MAP3K9: variants seen among roughly 807,000 people sequenced by gnomAD.
MAP3K9 encodes mitogen-activated protein kinase kinase kinase 9, also known as mixed lineage kinase 1 (tyr and ser/thr specificity).
A neutral mutation model predicts 95.8 loss-of-function variants in MAP3K9; 46 were observed. That is an observed-to-expected ratio of 0.48 (90% CI 0.38 to 0.61). The LOEUF is 0.61. MAP3K9 is among the 20% of genes least tolerant of loss of function. The pLI, the probability that MAP3K9 is intolerant of heterozygous loss-of-function variation, is 0.00. For missense variants in MAP3K9, 1,296 were observed against 1,474.3 expected (o/e 0.88, Z 1.98); for synonymous variants, 533 against 593.8 (o/e 0.90, Z 1.49).
intron 5 of MAP3K9, 37 bp downstream of exon 5, chr14:70,748,792 T>C (rs1267345593): frequency 6.4e-7 from 1 of 1,560,974 alleles, no homozygotes; most frequent in Non-Finnish European, 8.7e-7. Context: ...TTTTTTCTTT[T>C]CGTTCGTTTT....
intron 3 of MAP3K9, 82 bp from the exon 4 acceptor site, chr14:70,750,163 T>G: frequency 8.6e-7 from 1 of 1,156,568 alleles, no homozygotes; most frequent in Non-Finnish European, 1.3e-6. Flanking sequence ...TTTCTGAGCA[T>G]CCCACATTCT....
At chr14:70,740,496 T>G (rs568194319) in intron 6 of MAP3K9, among the ~76,000 whole-genome samples, 19 of 152,318 alleles carry the variant, frequency 1.2e-4, no homozygotes, top group Admixed American at 2.6e-4. Flanking sequence ...TCTAGGAAAT[T>G]TAACTTAAAA....
Position 70,809,303 on chromosome 14 carries a change from G to C in MAP3K9, c.-132C>G. The C allele has an allele frequency of 8.7e-7, 1 of 1,150,476 alleles. No homozygotes were observed. Among genetic ancestry groups the C allele is most frequent in the African/African-American group, 1.6e-5 (1 of 62,514 alleles). The allele number at this position is 1,150,476 out of a possible 1,614,324, so 71.3% of individuals were successfully genotyped here. On this transcript the variant is annotated 5_prime_UTR_variant, in exon 1 of 12. Coordinates refer to ENST00000554752, the MANE Select transcript of MAP3K9 (RefSeq NM_001284230.2). ...GCGGCCGCAGGTAGGGCCCGGGCTG[G>C]CAGGGCTGGGAGAGCCGGCTCGCCG...
At chr14:70,788,518 TTAGC>T (rs1346393215) in intron 2 of MAP3K9, among the ~76,000 whole-genome samples, 1 of 152,204 alleles carries the variant, frequency 6.6e-6, no homozygotes, top group Non-Finnish European at 1.5e-5. Flanking sequence ...CTCAAGGTCC[TTAGC>T]TAGCAAGTAA....
chr14:70,750,946 G>A (rs2054217750), intron 3 of MAP3K9, among the ~76,000 whole-genome samples: 1 of 152,188 alleles, frequency 6.6e-6, no homozygotes, highest in South Asian at 2.1e-4. Flanking sequence ...ACAAAAAGCA[G>A]AGTGCTAACC....
chr14:70,759,671 G>C (rs1453993084), intron 3 of MAP3K9, among the ~76,000 whole-genome samples: 3 of 152,194 alleles, frequency 2.0e-5, no homozygotes, highest in African/African-American at 7.2e-5. Flanking sequence ...ACTAGGTTTA[G>C]TAATTTGCTA....
In MAP3K9 at chr14:70,808,979, C is replaced by G; in HGVS notation, c.193G>C (p.Ala65Pro). The G allele has an allele frequency of 6.4e-7, 1 of 1,566,520 alleles. No homozygotes were observed. The highest frequency in any genetic ancestry group is 8.6e-7 in the Non-Finnish European group (1 of 1,163,288). ...AGGGTCAGCTCGTCCTCGCCCGCCG[C>G]CTCGTACTCGAACACGGCCGTCCAG... ...PYWTAVFEYE[A>P]AGEDELTLRL... is the part of the protein sequence containing the mutation. Residue 65 changes from alanine (A) to proline (P), a missense_variant, in exon 1 of 12, where the codon GCG becomes CCG. Around this residue, in one of 5 missense-constraint regions of MAP3K9, gnomAD observed 338 missense variants for 363.4 expected, o/e 0.93. Transcript: ENST00000554752.
chr14:70,802,549 T>C (rs2054942025), intron 1 of MAP3K9, among the ~76,000 whole-genome samples: 1 of 152,214 alleles, frequency 6.6e-6, no homozygotes, highest in Non-Finnish European at 1.5e-5. Flanking sequence ...GAAACCCTGT[T>C]CTCTATCTTC....
Position 70,728,002 on chromosome 14 carries a change from T to C in MAP3K9, c.*2378A>G, listed in dbSNP as rs1247171920. 1 of 151,882 alleles carries C rather than the reference T, an allele frequency of 6.6e-6. No homozygotes were observed. 9.4% of individuals were successfully genotyped at this position (151,882 alleles called of 1,614,324 possible). ...CACAGAGCACTGTGTATAGGCAGCA[T>C]GGTTTGGAGGGCCACAAGAGGGCCA... is the stretch of plus-strand genomic sequence containing the variant. On this transcript the variant is annotated 3_prime_UTR_variant, in exon 12 of 12. Coordinates refer to ENST00000554752, the MANE Select transcript of MAP3K9 (RefSeq NM_001284230.2).
chr14:70,764,647 A>C (rs1239289361), intron 2 of MAP3K9, among the ~76,000 whole-genome samples: 1 of 152,044 alleles, frequency 6.6e-6, no homozygotes, highest in South Asian at 2.1e-4. Context: ...CCTGGAAAAC[A>C]TAGTGAAACC....
chr14:70,754,233 CTT>C (rs1231838141), intron 3 of MAP3K9, among the ~76,000 whole-genome samples: 1 of 152,050 alleles, frequency 6.6e-6, no homozygotes, highest in Non-Finnish European at 1.5e-5. Flanking sequence ...CATTGATAAA[CTT>C]ATTGACATAA....
chr14:70,759,761 T>C (rs1479371390), intron 3 of MAP3K9, among the ~76,000 whole-genome samples: 1 of 152,180 alleles, frequency 6.6e-6, no homozygotes, highest in Admixed American at 6.5e-5. Flanking sequence ...CTTACATGCT[T>C]ATTTACTTCT....
chr14:70,796,197 C>T (rs149191274), intron 2 of MAP3K9, among the ~76,000 whole-genome samples: 10 of 152,330 alleles, frequency 6.6e-5, no homozygotes, highest in African/African-American at 1.4e-4. Flanking sequence ...CTTTCAACAA[C>T]GTGTTTGCTA....
intron 5 of MAP3K9, among the ~76,000 whole-genome samples, chr14:70,746,613 C>A (rs1309776232): frequency 6.6e-6 from 1 of 152,170 alleles, no homozygotes; most frequent in Non-Finnish European, 1.5e-5. Context: ...TGGTCTTGGA[C>A]AAGTTAATAA....
At chr14:70,758,751 T>C (rs2054330248) in intron 3 of MAP3K9, among the ~76,000 whole-genome samples, 1 of 151,972 alleles carries the variant, frequency 6.6e-6, no homozygotes, top group Admixed American at 6.6e-5. Flanking sequence ...TGAGATAAGT[T>C]ACAACATGGA....
intron 2 of MAP3K9, among the ~76,000 whole-genome samples, chr14:70,786,658 C>T (rs2054748611): frequency 6.6e-6 from 1 of 152,124 alleles, no homozygotes; most frequent in Admixed American, 6.5e-5. Flanking sequence ...GAAAGCCTGG[C>T]AGAGTAACAG....
At chr14:70,804,527 A>G (rs1172952924) in intron 1 of MAP3K9, among the ~76,000 whole-genome samples, 1 of 152,148 alleles carries the variant, frequency 6.6e-6, no homozygotes, top group Non-Finnish European at 1.5e-5. Context: ...ACAAATTTGT[A>G]TCTGTTTTCT....
chr14:70,784,001 C>T (rs546448383), intron 2 of MAP3K9, among the ~76,000 whole-genome samples: 18 of 152,276 alleles, frequency 1.2e-4, no homozygotes, highest in African/African-American at 2.2e-4. Context: ...AAACAAACCA[C>T]GGCCAGGCGC....
intron 7 of MAP3K9, 21 bp from the exon 8 acceptor site, chr14:70,738,419 A>G (rs113771991): frequency 0.038 from 60,626 of 1,612,036 alleles, 1,375 homozygotes; most frequent in Admixed American, 0.06. Flanking sequence ...CAAGGGTTGG[A>G]TAGGATCTAG....
Sources: allele counts gnomAD v4.1 joint callset (sites outside exome capture counted in the v4.1 genomes callset), GRCh38; gene constraint gnomAD v4.1.1; regional missense constraint gnomAD v4.1.1; transcripts MANE v1.5; gene names NCBI Gene and HGNC (gene_info 2026-07-23, HGNC 2026-07-21).